FRMPD4: variants seen among roughly 807,000 people sequenced by gnomAD.
The protein encoded by FRMPD4 is FERM and PDZ domain containing 4.
In FRMPD4, 22 loss-of-function variants were observed where a neutral mutation model predicts 94.1. The observed-to-expected ratio is 0.23, with a 90% CI of 0.17 to 0.33. The LOEUF is 0.33. Ranked by LOEUF, FRMPD4 falls within the 10% of genes least tolerant of loss-of-function variation. The pLI is 1.00. For synonymous variants in FRMPD4, 631 were observed against 548.6 expected, an observed-to-expected ratio of 1.15 and a Z score of -2.10; for missense variants, 1,111 against 1,339.9, an observed-to-expected ratio of 0.83 and a Z score of 2.67.
intron 1 of FRMPD4, among the ~76,000 whole-genome samples, chrX:12,433,829 T>C (rs1437894707): frequency 8.9e-6 from 1 of 112,058 alleles, no homozygotes; most frequent in African/African-American, 3.2e-5. Context: ...AATAGGTTAG[T>C]TAGCCTGAAA....
chrX:12,016,015 C>T lies in FRMPD4; in HGVS notation c.95+137997C>T, dbSNP rs763179278. Reference sequence around the variant, plus strand: ...TTCTTTTCAGAGTTTCTCTTACTTGCAGTGGCACAGAAAGATAAGCAAAGA... The same window carrying T: ...TTCTTTTCAGAGTTTCTCTTACTTGTAGTGGCACAGAAAGATAAGCAAAGA... On this transcript the variant is annotated intron_variant, in intron 3 of 18. Coordinates refer to the FRMPD4 transcript ENST00000640291. Among the ~76,000 whole-genome samples, 5 of 112,516 alleles carry T rather than the reference C, an allele frequency of 4.4e-5. No homozygotes were observed. The South Asian group carries it at 1.8e-3, about 42-fold the overall frequency.
chrX:12,710,513 A>T lies in FRMPD4; in HGVS notation c.1585A>T (p.Lys529Ter). 1 of 1,208,309 alleles carries T rather than the reference A, an allele frequency of 8.3e-7. No homozygotes were observed. Among genetic ancestry groups the T allele is most frequent in the Non-Finnish European group, 1.1e-6 (1 of 892,723 alleles). ...GTCGATATTTAACATGGCCAACAAG[A>T]AAAACACAGCGACCCAGGAAACAGG... is the stretch of plus-strand genomic sequence containing the variant. ...RRSIFNMANK[K>*]NTATQETGPE... The change falls in exon 14 of 17, where the codon AAA (lysine) becomes TAA (stop). Residue 529 changes from lysine to a stop codon, truncating the protein, a stop_gained. Transcript: ENST00000675598. LOFTEE classifies it high-confidence loss of function.
chrX:12,555,872 C>T (rs768852194), intron 2 of FRMPD4, among the ~76,000 whole-genome samples: 7 of 111,978 alleles, frequency 6.3e-5, no homozygotes, highest in African/African-American at 1.9e-4. Context: ...AAGGTTTACC[C>T]ACTTTTATAT....
intron 1 of FRMPD4, among the ~76,000 whole-genome samples, chrX:11,862,096 G>A (rs1014247808): frequency 1.8e-5 from 2 of 110,978 alleles, no homozygotes; most frequent in African/African-American, 6.6e-5. Context: ...CAGCACCAAG[G>A]GGGAAATTCA....
At position 12,139,644 on chromosome X, in the gene FRMPD4, A is replaced by G. The variant is rs769444810; in HGVS notation, c.41+632A>G. 4.5e-5 allele frequency among the ~76,000 whole-genome samples: 5 copies of G among 111,394 alleles called. No homozygotes were observed. In the South Asian group the frequency reaches 1.5e-3, roughly 34 times the overall value. ...TTAAAACAGTAGCTAAAACTAAATC[A>G]TCGATTCAGACATTTTTGGGTAGTA... On this transcript the variant is annotated intron_variant, in intron 1 of 16. Transcript: ENST00000675598.
intron 3 of FRMPD4, among the ~76,000 whole-genome samples, chrX:12,090,441 C>A (rs2055144686): frequency 9.1e-6 from 1 of 109,732 alleles, no homozygotes; most frequent in Non-Finnish European, 1.9e-5. Flanking sequence ...GCCAATTAAG[C>A]CTATTTTATT....
chrX:12,545,842 G>T (rs1478746607), intron 2 of FRMPD4, among the ~76,000 whole-genome samples: 1 of 112,864 alleles, frequency 8.9e-6, no homozygotes, highest in Non-Finnish European at 1.9e-5. Flanking sequence ...GGAAGCCCTT[G>T]GCTTAAGGGA....
intron 1 of FRMPD4, among the ~76,000 whole-genome samples, chrX:12,481,960 A>AAAAAAAAAAAAAAAAAAAAAG: frequency 1.0e-5 from 1 of 98,220 alleles, no homozygotes; most frequent in Non-Finnish European, 2.1e-5. Flanking sequence ...AAAAAAAAAA[A>AAAAAAAAAAAAAAAAAAAAAG]AAAAAAAAAA....
Position 12,327,795 on chromosome X carries a change from G to GAA in FRMPD4, c.42-170873_42-170872dup, listed in dbSNP as rs367840825. 9.1e-3 allele frequency among the ~76,000 whole-genome samples: 836 copies of GAA among 92,331 alleles called. 12 individuals carry two copies. The highest frequency in any genetic ancestry group is 0.031 in the African/African-American group (804 of 25,891). The allele number at this position is 92,331 out of a possible 115,157, so 80.2% of individuals were successfully genotyped here. A position where few individuals can be genotyped will look rare whatever the true frequency, so the allele number is the denominator to read the frequency against. On this transcript the variant is annotated intron_variant, in intron 1 of 16. Coordinates refer to ENST00000675598, the MANE Select transcript of FRMPD4 (RefSeq NM_001368397.1). Reference sequence around the variant, plus strand: ...CAGATAGTTCATCATTTTTCAGAGAGAAAAAAAAAAAAACGATTACATCTA... The same window carrying GAA: ...CAGATAGTTCATCATTTTTCAGAGAGAAAAAAAAAAAAAAACGATTACATCTA...
At chrX:12,541,980 A>T in intron 2 of FRMPD4, among the ~76,000 whole-genome samples, 1 of 111,749 alleles carries the variant, frequency 8.9e-6, no homozygotes, top group Non-Finnish European at 1.9e-5. Flanking sequence ...ACAGAACCAA[A>T]GACAAAAACC....
At chrX:12,423,512 C>T (rs922092088) in intron 1 of FRMPD4, among the ~76,000 whole-genome samples, 2 of 111,562 alleles carry the variant, frequency 1.8e-5, no homozygotes, top group African/African-American at 6.5e-5. Flanking sequence ...TCTAAGCTTC[C>T]ACCTTTTTGA....
At chrX:12,375,348 T>C (rs2056221961) in intron 1 of FRMPD4, among the ~76,000 whole-genome samples, 1 of 112,601 alleles carries the variant, frequency 8.9e-6, no homozygotes, top group South Asian at 3.7e-4. Flanking sequence ...TTTACCAAGC[T>C]AAAATCAAGG....
intron 1 of FRMPD4, among the ~76,000 whole-genome samples, chrX:11,861,843 G>A (rs1027940879): frequency 1.7e-4 from 19 of 111,510 alleles, no homozygotes; most frequent in African/African-American, 3.6e-4. Context: ...AGAAATACCC[G>A]AGACTGGGTA....
chrX:12,349,467 A>G (rs947817274), intron 1 of FRMPD4, among the ~76,000 whole-genome samples: 56 of 110,270 alleles, frequency 5.1e-4, no homozygotes, highest in African/African-American at 1.8e-3. Flanking sequence ...CCTAACAGCT[A>G]TGGTGTTGTG....
chrX:12,595,602 G>C (rs1377784960), intron 2 of FRMPD4, among the ~76,000 whole-genome samples: 1 of 112,094 alleles, frequency 8.9e-6, no homozygotes, highest in African/African-American at 3.2e-5. Context: ...TTGAGCTATT[G>C]TGAGCTTATC....
chrX:12,109,803 T>A (rs963012171), intron 3 of FRMPD4, among the ~76,000 whole-genome samples: 1 of 111,893 alleles, frequency 8.9e-6, no homozygotes, highest in African/African-American at 3.2e-5. Flanking sequence ...TCTATGCAAA[T>A]AAACTAGAAA....
chrX:12,515,730 C>A (rs1311638446), intron 2 of FRMPD4, among the ~76,000 whole-genome samples: 2 of 111,690 alleles, frequency 1.8e-5, no homozygotes, highest in African/African-American at 6.5e-5. Context: ...GAGTTCAAGT[C>A]CTGAATATCC....
intron 1 of FRMPD4, among the ~76,000 whole-genome samples, chrX:12,455,676 G>A (rs2057325965): frequency 9.0e-6 from 1 of 111,618 alleles, no homozygotes; most frequent in South Asian, 3.8e-4. Flanking sequence ...AGTCAAGTTA[G>A]GTAGGTGAGG....
intron 4 of FRMPD4, among the ~76,000 whole-genome samples, chrX:12,667,778 A>T: frequency 8.9e-6 from 1 of 112,322 alleles, no homozygotes; most frequent in Admixed American, 9.5e-5. Flanking sequence ...TCTGCATCAA[A>T]AAAGGATAAG....
Sources: gnomAD v4.1 joint callset for allele counts (sites outside exome capture counted in the v4.1 genomes callset) on GRCh38, gnomAD v4.1.1 for gene constraint, MANE v1.5 for transcripts, NCBI Gene and HGNC (gene_info 2026-07-23, HGNC 2026-07-21) for gene names.